The following CCDC92B variants were observed in gnomAD, a reference collection of about 807,000 sequenced individuals.
The protein encoded by CCDC92B is coiled-coil domain containing 92B.
A neutral mutation model predicts 5.6 loss-of-function variants in CCDC92B; 2 were observed. The observed-to-expected ratio is 0.36, with a 90% CI of 0.15 to 1.12. CCDC92B has a LOEUF of 1.12. CCDC92B is among the 50% of genes most tolerant of loss of function. CCDC92B has a pLI of 0.40. For missense variants in CCDC92B, 271 were observed against 262.2 expected, an observed-to-expected ratio of 1.03 and a Z score of -0.23; for synonymous variants, 115 against 122.3, an observed-to-expected ratio of 0.94 and a Z score of 0.39.
intron 3 of CCDC92B, among the ~76,000 whole-genome samples, chr17:2,729,522 G>A (rs59154838): frequency 0.078 from 11,647 of 149,778 alleles, 607 homozygotes; most frequent in East Asian, 0.16. Context: ...AAATTACTGT[G>A]TCCCTCCAAG....
rs2070665933 is a variant in CCDC92B at position 2,722,246 on chromosome 17, G to A, written c.*2165C>T. Reference sequence around the variant, plus strand: ...TCACACACAAGACAGGTTCTGAAAGGGAGGGGGACAGAATAGGGGTGCAGT... The same window carrying A: ...TCACACACAAGACAGGTTCTGAAAGAGAGGGGGACAGAATAGGGGTGCAGT... On this transcript the variant is annotated 3_prime_UTR_variant, in exon 4 of 4. Transcript: ENST00000614400. The A allele has an allele frequency of 6.6e-6, 1 of 152,196 alleles. No individual in the cohort carries two copies. Among genetic ancestry groups the A allele is most frequent in the Admixed American group, 6.6e-5 (1 of 15,240 alleles). 9.4% of individuals were successfully genotyped at this position (152,196 alleles called of 1,614,324 possible). A position where few individuals can be genotyped will look rare whatever the true frequency, so the allele number is the denominator to read the frequency against.
At chr17:2,748,421 C>T (rs2071013241) in intron 1 of CCDC92B, 1 of 985,024 alleles carries the variant, frequency 1.0e-6, no homozygotes, top group South Asian at 4.7e-5. Context: ...GCCATATTAT[C>T]ACTCTTTGTT....
At chr17:2,737,024 G>C (rs976172580) in intron 1 of CCDC92B, among the ~76,000 whole-genome samples, 1 of 151,054 alleles carries the variant, frequency 6.6e-6, no homozygotes, top group Non-Finnish European at 1.5e-5. Flanking sequence ...TGATGGATGA[G>C]AGCCATGCAT....
At position 2,724,041 on chromosome 17, in the gene CCDC92B, G is replaced by A. The variant is rs996563098; in HGVS notation, c.*370C>T. ...CCACTCTGCGTCCCTTTCCGTAGGC[G>A]AGCCCAGCCCTCCCCACCCCACCAA... On this transcript the variant is annotated 3_prime_UTR_variant, in exon 4 of 4. Coordinates refer to ENST00000614400, the MANE Select transcript of CCDC92B (RefSeq NM_001355573.2). The surrounding 1 kb of genome is among the most constrained non-coding windows in gnomAD (Gnocchi z 5.0). 1.1e-5 allele frequency: 11 copies of A among 984,844 alleles called. No individual in the cohort carries two copies. The highest frequency in any genetic ancestry group is 3.5e-5 in the African/African-American group (2 of 57,196). The allele number at this position is 984,844 out of a possible 1,614,324, so 61.0% of individuals were successfully genotyped here.
intron 1 of CCDC92B, chr17:2,748,571 T>A: frequency 2.0e-6 from 2 of 984,988 alleles, no homozygotes; most frequent in Non-Finnish European, 1.2e-6. Context: ...GCTTCTGTAC[T>A]AAGCCATACG....
In CCDC92B at chr17:2,724,303, T is replaced by C; in HGVS notation, c.*108A>G. On this transcript the variant is annotated 3_prime_UTR_variant, in exon 4 of 4. Transcript: ENST00000614400. This position sits in a 1 kb window ranked among gnomAD's most constrained non-coding sequence, Gnocchi z 5.0. Reference sequence around the variant, plus strand: ...GCCGGGGCCGCCTCGCCCCGCTTCCTGGAGGAGGGGCGGCTGCCCTCCGAC... The same window carrying C: ...GCCGGGGCCGCCTCGCCCCGCTTCCCGGAGGAGGGGCGGCTGCCCTCCGAC... 2.0e-6 allele frequency: 2 copies of C among 984,910 alleles called. No individual in the cohort carries two copies. Among genetic ancestry groups the C allele is most frequent in the Non-Finnish European group, 2.4e-6 (2 of 829,786 alleles). 61.0% of individuals were successfully genotyped at this position (984,910 alleles called of 1,614,324 possible). A position where few individuals can be genotyped will look rare whatever the true frequency, so the allele number is the denominator to read the frequency against.
chr17:2,741,619 G>C (rs1422573831), intron 1 of CCDC92B, among the ~76,000 whole-genome samples: 2 of 144,446 alleles, frequency 1.4e-5, no homozygotes, highest in Admixed American at 1.4e-4. Flanking sequence ...TTGAGATGGA[G>C]TCTCGCTCTG....
At chr17:2,746,440 C>T (rs76305520) in intron 1 of CCDC92B, among the ~76,000 whole-genome samples, 3,447 of 152,240 alleles carry the variant, frequency 0.023, 123 homozygotes, top group African/African-American at 0.079. Flanking sequence ...AAATACTTTT[C>T]CCTTTGGGGA....
At chr17:2,746,861 G>A (rs556354121) in intron 1 of CCDC92B, among the ~76,000 whole-genome samples, 32 of 151,830 alleles carry the variant, frequency 2.1e-4, no homozygotes, top group Non-Finnish European at 4.3e-4. Flanking sequence ...TAGTAGAGAC[G>A]GGGTTTCACC....
intron 1 of CCDC92B, among the ~76,000 whole-genome samples, chr17:2,743,580 T>C (rs1384563476): frequency 6.6e-6 from 1 of 152,258 alleles, no homozygotes; most frequent in East Asian, 1.9e-4. Context: ...GTCCTCATCC[T>C]GCTGGTTCCA....
chr17:2,748,407 G>A lies in CCDC92B; in HGVS notation c.-24+1004C>T, dbSNP rs2071013081. On this transcript the variant is annotated intron_variant, in intron 1 of 3. Transcript: ENST00000614400. ...AATCTGGGTGGCAGCTAGCACCACAGTCTGCCATATTATCACTCTTTGTTC... is the reference window on the plus strand; with the variant it reads ...AATCTGGGTGGCAGCTAGCACCACAATCTGCCATATTATCACTCTTTGTTC... 4 of 985,174 alleles carry A rather than the reference G, an allele frequency of 4.1e-6. No homozygotes were observed. In the African/African-American group the frequency reaches 5.2e-5, roughly 13 times the overall value. The allele number at this position is 985,174 out of a possible 1,614,324, so 61.0% of individuals were successfully genotyped here.
At chr17:2,736,850 C>A (rs1273586236) in intron 1 of CCDC92B, among the ~76,000 whole-genome samples, 2 of 151,452 alleles carry the variant, frequency 1.3e-5, no homozygotes. Context: ...CACTGTACTG[C>A]AGCCTGGGCA....
chr17:2,734,494 C>CT (rs10708468), intron 2 of CCDC92B, among the ~76,000 whole-genome samples: 24 of 144,488 alleles, frequency 1.7e-4, no homozygotes, highest in Admixed American at 2.8e-4. Flanking sequence ...CTAACCAGAG[C>CT]TTTTTTTTTT....
chr17:2,739,447 G>A (rs1362264019), intron 1 of CCDC92B, among the ~76,000 whole-genome samples: 1 of 151,632 alleles, frequency 6.6e-6, no homozygotes, highest in Non-Finnish European at 1.5e-5. Flanking sequence ...TTGGGAGGCA[G>A]AGGCAGGCAG....
chr17:2,724,205 C>T lies in CCDC92B; in HGVS notation c.*206G>A. On this transcript the variant is annotated 3_prime_UTR_variant, in exon 4 of 4. Coordinates refer to ENST00000614400, the MANE Select transcript of CCDC92B (RefSeq NM_001355573.2). This position sits in a 1 kb window ranked among gnomAD's most constrained non-coding sequence, Gnocchi z 5.0. ...GCTCGGCCCCGCGGAGGAACTCTCG[C>T]GCGAGGAGAGGGCTCGAAGCTTTGG... 1 of 985,372 alleles carries T rather than the reference C, an allele frequency of 1.0e-6. No individual in the cohort carries two copies. The allele number at this position is 985,372 out of a possible 1,614,324, so 61.0% of individuals were successfully genotyped here.
Position 2,746,234 on chromosome 17 carries a change from G to A in CCDC92B, c.-24+3177C>T, listed in dbSNP as rs1277483632. 5.3e-5 allele frequency among the ~76,000 whole-genome samples: 8 copies of A among 152,114 alleles called. No homozygotes were observed. The South Asian group carries it at 1.3e-3, about 24-fold the overall frequency. Reference sequence around the variant, plus strand: ...TGACCTCAAGTGATCCATTTGCCTCGGACTCCCAAAGTGCTGGGATTACAG... The same window carrying A: ...TGACCTCAAGTGATCCATTTGCCTCAGACTCCCAAAGTGCTGGGATTACAG... On this transcript the variant is annotated intron_variant, in intron 1 of 3. Coordinates refer to ENST00000614400, the MANE Select transcript of CCDC92B (RefSeq NM_001355573.2).
At chr17:2,730,259 C>G (rs1328102385) in intron 3 of CCDC92B, among the ~76,000 whole-genome samples, 187 bp downstream of exon 3, 4 of 152,168 alleles carry the variant, frequency 2.6e-5, no homozygotes, top group African/African-American at 9.7e-5. Context: ...GTTCACTGCA[C>G]AAGGCATTTC....
chr17:2,733,426 A>G (rs887180939), intron 2 of CCDC92B, among the ~76,000 whole-genome samples: 11 of 151,380 alleles, frequency 7.3e-5, no homozygotes, highest in Non-Finnish European at 1.5e-4. Context: ...CGTCCGGCTA[A>G]TTTTGTATTT....
chr17:2,728,640 T>C (rs529288147), intron 3 of CCDC92B, among the ~76,000 whole-genome samples: 1 of 151,652 alleles, frequency 6.6e-6, no homozygotes, highest in African/African-American at 2.4e-5. Context: ...GATGAAGACA[T>C]TGGATTGGGG....
Sources: allele counts gnomAD v4.1 joint callset (sites outside exome capture counted in the v4.1 genomes callset), GRCh38; gene constraint gnomAD v4.1.1; non-coding constraint Gnocchi (gnomAD v3.1); transcripts MANE v1.5; gene names NCBI Gene and HGNC (gene_info 2026-07-23, HGNC 2026-07-21).